Variants in TBPL1 observed in about 807,000 individuals in gnomAD.
The protein encoded by TBPL1 is TATA-box binding protein like 1.
A neutral mutation model predicts 22.1 loss-of-function variants in TBPL1; 4 were observed. That is an observed-to-expected ratio of 0.18 (90% CI 0.09 to 0.41). The LOEUF (loss-of-function observed/expected upper bound fraction) is 0.41. TBPL1 is among the 10% of genes least tolerant of loss of function. The pLI is 1.00. For synonymous variants in TBPL1, 64 were observed against 71.0 expected (o/e 0.90, Z 0.50); for missense variants, 115 against 222.3 (o/e 0.52, Z 3.07).
At chr6:133,955,563 C>A (rs1213154084) in intron 1 of TBPL1, among the ~76,000 whole-genome samples, 1 of 152,066 alleles carries the variant, frequency 6.6e-6, no homozygotes, top group African/African-American at 2.4e-5. Flanking sequence ...GTTCTGTATT[C>A]ATTCTGAGTA....
chr6:133,962,457 A>T (rs1402600725), intron 1 of TBPL1, among the ~76,000 whole-genome samples: 1 of 152,152 alleles, frequency 6.6e-6, no homozygotes, highest in Non-Finnish European at 1.5e-5. Context: ...AGAATGAGAG[A>T]TGAAGGATGA....
At position 133,989,220 on chromosome 6, in the gene TBPL1, A is replaced by G. The variant is rs1776584461; in HGVS notation, c.*2180A>G. The G allele has an allele frequency of 6.6e-6, 1 of 152,158 alleles. No individual in the cohort carries two copies. The highest frequency in any genetic ancestry group is 2.4e-5 in the African/African-American group (1 of 41,438). The allele number at this position is 152,158 out of a possible 1,614,324, so 9.4% of individuals were successfully genotyped here. A position where few individuals can be genotyped will look rare whatever the true frequency, so the allele number is the denominator to read the frequency against. ...TTTTATAAATAAAAACTGTGAATAT[A>G]TATGTACAAGTTGTAAGTATTTCCC... On this transcript the variant is annotated 3_prime_UTR_variant, in exon 7 of 7. Coordinates refer to ENST00000237264, the MANE Select transcript of TBPL1 (RefSeq NM_004865.4).
chr6:133,958,502 C>T (rs934746176), intron 1 of TBPL1, among the ~76,000 whole-genome samples: 12 of 152,038 alleles, frequency 7.9e-5, no homozygotes, highest in Admixed American at 2.6e-4. Context: ...TATGGTAAAG[C>T]TAAAAACAAA....
rs114101406 is a variant in TBPL1, at chr6:133,965,320, A to G, written c.-45+11895A>G. ...GTAGGGGCACATATAAGACCTGCTC[A>G]AGAAAACAAATACCTTACAATTTAA... On this transcript the variant is annotated intron_variant, in intron 1 of 6. Coordinates refer to ENST00000237264, the MANE Select transcript of TBPL1 (RefSeq NM_004865.4). 3.2e-3 allele frequency among the ~76,000 whole-genome samples: 492 copies of G among 152,350 alleles called. 3 individuals carry two copies. Among genetic ancestry groups the G allele is most frequent in the African/African-American group, 0.011 (464 of 41,576 alleles).
intron 2 of TBPL1, among the ~76,000 whole-genome samples, chr6:133,982,204 A>G (rs1214313172): frequency 6.6e-6 from 1 of 152,210 alleles, no homozygotes; most frequent in Non-Finnish European, 1.5e-5. Context: ...AGCAACAGCT[A>G]CTGCAAAGCT....
chr6:133,980,290 A>G (rs1776386443), intron 2 of TBPL1, 30 bp downstream of exon 2: 2 of 1,568,926 alleles, frequency 1.3e-6, no homozygotes, highest in Non-Finnish European at 1.7e-6. Context: ...TATTTGTACT[A>G]CATAGCCTAA....
At position 133,980,166 on chromosome 6, in the gene TBPL1, C is replaced by G; in HGVS notation, c.41C>G (p.Thr14Arg). Residue 14 changes from threonine (T) to arginine (R), a missense_variant, in exon 2 of 7, where the codon ACA becomes AGA. Thr to Arg is a moderately conservative substitution (Grantham distance 71). Coordinates refer to ENST00000237264, the MANE Select transcript of TBPL1 (RefSeq NM_004865.4). ...DSDVALDILI[T>R]NVVCVFRTRC... ...GATGTTGCATTGGACATTCTAATTA[C>G]AAATGTAGTCTGTGTTTTTAGAACA... is the stretch of plus-strand genomic sequence containing the variant. The G allele has an allele frequency of 6.2e-7, 1 of 1,604,460 alleles. No homozygotes were observed. The highest frequency in any genetic ancestry group is 8.5e-7 in the Non-Finnish European group (1 of 1,175,942).
intron 4 of TBPL1, among the ~76,000 whole-genome samples, chr6:133,983,494 C>T (rs895025764): frequency 6.6e-6 from 1 of 152,168 alleles, no homozygotes; most frequent in African/African-American, 2.4e-5. Flanking sequence ...TTACCTTTCC[C>T]TCTGATGACT....
chr6:133,977,210 T>C (rs1776330006), intron 1 of TBPL1, among the ~76,000 whole-genome samples: 1 of 152,196 alleles, frequency 6.6e-6, no homozygotes, highest in Non-Finnish European at 1.5e-5. Flanking sequence ...TACTGACTTT[T>C]TATATTGCAT....
intron 1 of TBPL1, among the ~76,000 whole-genome samples, chr6:133,969,496 A>T (rs939828394): frequency 4.6e-5 from 7 of 152,194 alleles, no homozygotes. Context: ...CTTTCTGTTT[A>T]ACTGAATGTA....
chr6:133,969,311 A>G (rs75496286), intron 1 of TBPL1, among the ~76,000 whole-genome samples: 11,466 of 144,100 alleles, frequency 0.08, 427 homozygotes, highest in Admixed American at 0.088. Context: ...GTTGTTGACT[A>G]ATTTCCATTA....
At chr6:133,973,104 G>T (rs1474220414) in intron 1 of TBPL1, among the ~76,000 whole-genome samples, 1 of 152,214 alleles carries the variant, frequency 6.6e-6, no homozygotes, top group Non-Finnish European at 1.5e-5. Context: ...TTGAGAGACT[G>T]TCAAGTAATG....
intron 1 of TBPL1, among the ~76,000 whole-genome samples, chr6:133,964,421 TTTTTG>T (rs1776081913): frequency 6.6e-6 from 1 of 152,080 alleles, no homozygotes; most frequent in East Asian, 1.9e-4. Context: ...CTGTTTGTTT[TTTTTG>T]TTTTGTTTTG....
chr6:133,963,123 A>G (rs1776052760), intron 1 of TBPL1, among the ~76,000 whole-genome samples: 1 of 152,202 alleles, frequency 6.6e-6, no homozygotes, highest in South Asian at 2.1e-4. Flanking sequence ...TGCTGGTTTA[A>G]AAGCATGAAG....
chr6:133,978,679 G>T (rs780541120), intron 1 of TBPL1, among the ~76,000 whole-genome samples: 1 of 151,896 alleles, frequency 6.6e-6, no homozygotes, highest in Non-Finnish European at 1.5e-5. Context: ...TGAAGTTGAG[G>T]TACAATTGAT....
Position 133,989,539 on chromosome 6 carries a change from A to T in TBPL1, c.*2499A>T, listed in dbSNP as rs982243375. 6.6e-6 allele frequency: 1 copy of T among 152,176 alleles called. No individual in the cohort carries two copies. Among genetic ancestry groups the T allele is most frequent in the African/African-American group, 2.4e-5 (1 of 41,444 alleles). The allele number at this position is 152,176 out of a possible 1,614,324, so 9.4% of individuals were successfully genotyped here. ...CAGAACACACTTCCCTTCTCTTTCC[A>T]AAAACAAAAAACAATGCATGCTCTG... is the stretch of plus-strand genomic sequence containing the variant. On this transcript the variant is annotated 3_prime_UTR_variant, in exon 7 of 7. Transcript: ENST00000237264.
Position 133,988,531 on chromosome 6 carries a change from A to G in TBPL1, c.*1491A>G, listed in dbSNP as rs1027510058. On this transcript the variant is annotated 3_prime_UTR_variant, in exon 7 of 7. Transcript: ENST00000237264. The stretch of plus-strand genomic sequence containing the variant: ...ACATCCTAATCTCCATATATAGTAC[A>G]TTTTCCTTACTGTATTATAAAATCT... The G allele has an allele frequency of 2.0e-5, 3 of 152,186 alleles. No individual in the cohort carries two copies. The highest frequency in any genetic ancestry group is 7.2e-5 in the African/African-American group (3 of 41,434). 9.4% of individuals were successfully genotyped at this position (152,186 alleles called of 1,614,324 possible).
chr6:133,982,732 A>C, intron 3 of TBPL1, 82 bp downstream of exon 3: 1 of 1,583,130 alleles, frequency 6.3e-7, no homozygotes, highest in Admixed American at 1.8e-5. Flanking sequence ...TAACAGCAAA[A>C]TCATATGTAA....
rs1349757205 is a variant in TBPL1, at chr6:133,985,301, T to C, written c.481+630T>C. Among the ~76,000 whole-genome samples, 20 of 21,812 alleles carry C rather than the reference T, an allele frequency of 9.2e-4. 1 individual carries two copies. Among genetic ancestry groups the C allele is most frequent in the African/African-American group, 2.9e-3 (14 of 4,766 alleles). 14.3% of individuals were successfully genotyped at this position (21,812 alleles called of 152,430 possible). On this transcript the variant is annotated intron_variant, in intron 6 of 6. Coordinates refer to ENST00000237264, the MANE Select transcript of TBPL1 (RefSeq NM_004865.4). ...TAAAAAAAAAAAAAAAAAAAAAATA[T>C]ATATATATATATATATATATATATA...
Sources: gnomAD v4.1 joint callset for allele counts (sites outside exome capture counted in the v4.1 genomes callset) on GRCh38, gnomAD v4.1.1 for gene constraint, MANE v1.5 for transcripts, NCBI Gene and HGNC (gene_info 2026-07-23, HGNC 2026-07-21) for gene names.